Variants in SCAPER observed in about 807,000 individuals in gnomAD.
The protein encoded by SCAPER is S-phase cyclin A associated protein in the ER.
A neutral mutation model predicts 182.2 loss-of-function variants in SCAPER; 98 were observed. The observed-to-expected ratio is 0.54, with a 90% confidence interval of 0.46 to 0.64. The LOEUF (loss-of-function observed/expected upper bound fraction) is 0.64, where lower values mean the gene tolerates loss of function less well. SCAPER is among the 30% of genes least tolerant of loss of function. SCAPER has a pLI of 0.00. For missense variants in SCAPER, 1,432 were observed against 1,690.0 expected (o/e 0.85, Z 2.68); for synonymous variants, 605 against 564.6 (o/e 1.07, Z -1.01).
chr15:76,897,071 A>G (rs890743477), intron 1 of SCAPER, among the ~76,000 whole-genome samples: 5 of 152,184 alleles, frequency 3.3e-5, no homozygotes, highest in Non-Finnish European at 7.4e-5. Flanking sequence ...TTTGAATCTC[A>G]GGGTACACAG....
chr15:76,559,078 A>T (rs1369790477), intron 23 of SCAPER, among the ~76,000 whole-genome samples: 1 of 151,866 alleles, frequency 6.6e-6, no homozygotes, highest in African/African-American at 2.4e-5. Context: ...TCTGTTGCCC[A>T]GGCTGGCATG....
At chr15:76,704,205 A>C (rs911482293) in intron 18 of SCAPER, among the ~76,000 whole-genome samples, 2 of 152,168 alleles carry the variant, frequency 1.3e-5, no homozygotes, top group Non-Finnish European at 2.9e-5. Context: ...GTCATTAGTA[A>C]ATTGCTTAGT....
At chr15:76,900,405 G>C (rs181397414) in intron 1 of SCAPER, among the ~76,000 whole-genome samples, 2 of 149,676 alleles carry the variant, frequency 1.3e-5, no homozygotes, top group Non-Finnish European at 3.0e-5. Flanking sequence ...AAAAAATATG[G>C]ATATGGCAAA....
intron 21 of SCAPER, among the ~76,000 whole-genome samples, chr15:76,660,389 A>G (rs775659902): frequency 3.3e-4 from 51 of 152,290 alleles, no homozygotes; most frequent in Middle Eastern, 3.4e-3. Context: ...TGAACCTAAA[A>G]TAAAAATTTA....
At chr15:76,527,618 C>T (rs1391191005) in intron 23 of SCAPER, among the ~76,000 whole-genome samples, 1 of 152,194 alleles carries the variant, frequency 6.6e-6, no homozygotes, top group Non-Finnish European at 1.5e-5. Context: ...CAAGCTCTGA[C>T]TGTAGGTTGT....
At chr15:76,580,279 A>G (rs1218317774) in intron 22 of SCAPER, among the ~76,000 whole-genome samples, 1 of 152,204 alleles carries the variant, frequency 6.6e-6, no homozygotes, top group Non-Finnish European at 1.5e-5. Flanking sequence ...AGACCACAAA[A>G]TAAGTCTTAA....
intron 22 of SCAPER, among the ~76,000 whole-genome samples, chr15:76,591,471 C>T (rs1322629501): frequency 6.6e-6 from 1 of 152,092 alleles, no homozygotes; most frequent in Non-Finnish European, 1.5e-5. Flanking sequence ...AATATATCTA[C>T]ATATTTTTGA....
intron 27 of SCAPER, among the ~76,000 whole-genome samples, chr15:76,384,455 C>CT (rs1382238830): frequency 9.9e-5 from 15 of 151,964 alleles, no homozygotes; most frequent in South Asian, 2.1e-4. Context: ...TGTAAAAAAT[C>CT]TTTTTTTTAA....
chr15:76,543,544 C>G (rs957819827), intron 23 of SCAPER, among the ~76,000 whole-genome samples: 1 of 152,140 alleles, frequency 6.6e-6, no homozygotes, highest in Non-Finnish European at 1.5e-5. Context: ...CTAACTCCTA[C>G]CAATGCTGAA....
At chr15:76,744,127 C>T (rs78022620) in intron 15 of SCAPER, among the ~76,000 whole-genome samples, 5 of 152,146 alleles carry the variant, frequency 3.3e-5, no homozygotes, top group Non-Finnish European at 7.4e-5. Context: ...TAACTACATA[C>T]AAAAATTGAC....
rs947839815 is a variant in SCAPER, at chr15:76,434,283, T to C, written c.3106A>G (p.Ile1036Val). 1 of 1,611,564 alleles carries C rather than the reference T, an allele frequency of 6.2e-7. No homozygotes were observed. Among genetic ancestry groups the C allele is most frequent in the Non-Finnish European group, 8.5e-7 (1 of 1,178,736 alleles). The change falls in exon 26 of 32, where the codon ATT becomes GTT. Residue 1036 changes from isoleucine (I) to valine (V), a missense_variant. Coordinates refer to ENST00000563290, the MANE Select transcript of SCAPER (RefSeq NM_020843.4). ...TVYVPDENNT[I>V]LGRNTNKQVF... ...TGTTTATTTGTATTTCTCCCCAAAA[T>C]AGTATTATTTTCATCTGGAACATAA...
At chr15:76,822,706 T>C (rs553695913) in intron 5 of SCAPER, among the ~76,000 whole-genome samples, 1 of 152,324 alleles carries the variant, frequency 6.6e-6, no homozygotes, top group African/African-American at 2.4e-5. Context: ...CAATACACTC[T>C]ACACACTTGG....
intron 27 of SCAPER, among the ~76,000 whole-genome samples, chr15:76,403,903 C>G (rs941270714): frequency 6.6e-6 from 1 of 151,838 alleles, no homozygotes; most frequent in African/African-American, 2.4e-5. Flanking sequence ...GAGGACAGTC[C>G]GCAGGGTGGG....
At chr15:76,702,647 C>T (rs1373852059) in intron 19 of SCAPER, among the ~76,000 whole-genome samples, 2 of 152,030 alleles carry the variant, frequency 1.3e-5, no homozygotes, top group Non-Finnish European at 1.5e-5. Flanking sequence ...CAGGGTTTCA[C>T]CATGTTGGAA....
chr15:76,489,376 G>A (rs1353591756), intron 24 of SCAPER, among the ~76,000 whole-genome samples: 1 of 151,340 alleles, frequency 6.6e-6, no homozygotes, highest in Non-Finnish European at 1.5e-5. Flanking sequence ...GCATTCAGTT[G>A]TGAAACCACC....
At chr15:76,460,076 T>C (rs2049041835) in intron 25 of SCAPER, among the ~76,000 whole-genome samples, 1 of 152,158 alleles carries the variant, frequency 6.6e-6, no homozygotes, top group Non-Finnish European at 1.5e-5. Context: ...ACTGTGGCCT[T>C]GTAATATATG....
chr15:76,705,770 A>G, intron 18 of SCAPER, 133 bp downstream of exon 18: 1 of 613,168 alleles, frequency 1.6e-6, no homozygotes, highest in African/African-American at 1.9e-5. Context: ...AAATGATTGT[A>G]GCAAAATCAT....
chr15:76,888,257 CA>C (rs1426798359), intron 1 of SCAPER, among the ~76,000 whole-genome samples: 1 of 152,194 alleles, frequency 6.6e-6, no homozygotes, highest in Non-Finnish European at 1.5e-5. Flanking sequence ...TTCTAAAAAC[CA>C]GAGTGCTTCT....
At chr15:76,555,193 G>C (rs374378982) in intron 23 of SCAPER, among the ~76,000 whole-genome samples, 1 of 152,078 alleles carries the variant, frequency 6.6e-6, no homozygotes, top group African/African-American at 2.4e-5. Context: ...AATTCTAAGG[G>C]AATTCATTAC....
Sources: gnomAD v4.1 joint callset for allele counts (sites outside exome capture counted in the v4.1 genomes callset) on GRCh38, gnomAD v4.1.1 for gene constraint, MANE v1.5 for transcripts, NCBI Gene and HGNC (gene_info 2026-07-23, HGNC 2026-07-21) for gene names.